Variants in GDAP1L1 observed in about 807,000 individuals in gnomAD.
The protein encoded by GDAP1L1 is ganglioside induced differentiation associated protein 1 like 1, also known as ganglioside-induced differentiation-associated protein 1-like 1.
A neutral mutation model predicts 37.1 loss-of-function variants in GDAP1L1; 21 were observed. The observed-to-expected ratio is 0.57, with a 90% CI of 0.40 to 0.81. GDAP1L1 has a LOEUF of 0.81. Ranked by LOEUF, GDAP1L1 falls within the 40% of genes least tolerant of loss-of-function variation. The probability of loss-of-function intolerance (pLI) is 0.00; values close to 1 mark genes in which losing one functional copy is unlikely to be tolerated. For missense variants in GDAP1L1, 362 were observed against 491.6 expected, an observed-to-expected ratio of 0.74 and a Z score of 2.49; for synonymous variants, 193 against 209.1, an observed-to-expected ratio of 0.92 and a Z score of 0.67.
intron 5 of GDAP1L1, among the ~76,000 whole-genome samples, chr20:44,270,920 C>T (rs1030093404): frequency 3.3e-5 from 5 of 152,150 alleles, no homozygotes; most frequent in Admixed American, 6.6e-5. Context: ...GAATTGGGCT[C>T]CGCTGAAGGG....
intron 2 of GDAP1L1, 22 bp downstream of exon 2, chr20:44,257,367 G>A (rs2146002889): frequency 6.2e-7 from 1 of 1,604,340 alleles, no homozygotes; most frequent in Non-Finnish European, 8.5e-7. Flanking sequence ...TCCCCACCCA[G>A]GGGCCCACTC....
intron 5 of GDAP1L1, among the ~76,000 whole-genome samples, chr20:44,272,017 A>G (rs899325124): frequency 3.9e-5 from 6 of 152,092 alleles, no homozygotes; most frequent in Non-Finnish European, 7.4e-5. Flanking sequence ...CGCAGAGAGG[A>G]GCTGAGGGAA....
At chr20:44,265,708 A>G (rs984449970) in intron 5 of GDAP1L1, among the ~76,000 whole-genome samples, 4 of 152,320 alleles carry the variant, frequency 2.6e-5, no homozygotes, top group Admixed American at 2.0e-4. Context: ...TGCCTGTCCC[A>G]TTACTAGTTT....
At chr20:44,263,139 T>G (rs1238462743) in intron 3 of GDAP1L1, 91 bp from the exon 4 acceptor site, 1 of 936,732 alleles carries the variant, frequency 1.1e-6, no homozygotes, top group Non-Finnish European at 1.8e-6. Flanking sequence ...GACCAGTGTT[T>G]GGATGGGGCC....
In GDAP1L1 at chr20:44,279,535, G is replaced by A. The variant is rs749844166; in HGVS notation, c.*235G>A. Reference sequence around the variant, plus strand: ...AGAGAGAGGAAGCGAGAGAGAGAGAGAAAAAACAAAAAACAGAAAACACGA... The same window carrying A: ...AGAGAGAGGAAGCGAGAGAGAGAGAAAAAAAACAAAAAACAGAAAACACGA... On this transcript the variant is annotated 3_prime_UTR_variant, in exon 6 of 6. Transcript: ENST00000342560. 189 of 676,244 alleles carry A rather than the reference G, an allele frequency of 2.8e-4. No individual in the cohort carries two copies. Among genetic ancestry groups the A allele is most frequent in the Non-Finnish European group, 2.3e-4 (81 of 359,566 alleles). 41.9% of individuals were successfully genotyped at this position (676,244 alleles called of 1,614,324 possible).
chr20:44,278,788 A>G lies in GDAP1L1; in HGVS notation c.761-169A>G, dbSNP rs182784176. On this transcript the variant is annotated intron_variant, in intron 5 of 5. Coordinates refer to ENST00000342560, the MANE Select transcript of GDAP1L1 (RefSeq NM_024034.6). Reference sequence around the variant, plus strand: ...CAGTCGATTTAAACAAAAAAATAATAATAGAAGTAGCATGAGGATATGGCA... The same window carrying G: ...CAGTCGATTTAAACAAAAAAATAATGATAGAAGTAGCATGAGGATATGGCA... Among the ~76,000 whole-genome samples the G allele has an allele frequency of 2.9e-3, 438 of 152,344 alleles. 1 individual carries two copies. The highest frequency in any genetic ancestry group is 0.01 in the African/African-American group (426 of 41,574).
At chr20:44,277,954 G>A (rs1424003767) in intron 5 of GDAP1L1, among the ~76,000 whole-genome samples, 1 of 152,092 alleles carries the variant, frequency 6.6e-6, no homozygotes, top group African/African-American at 2.4e-5. Context: ...AGGAGTTCAA[G>A]ACCAGCCTGG....
At chr20:44,265,142 A>C in intron 5 of GDAP1L1, 1 of 985,358 alleles carries the variant, frequency 1.0e-6, no homozygotes, top group Non-Finnish European at 1.2e-6. Flanking sequence ...CCAAGAATGC[A>C]TTATAGCTCC....
intron 5 of GDAP1L1, among the ~76,000 whole-genome samples, chr20:44,273,152 CAT>C (rs1278794068): frequency 6.6e-6 from 1 of 152,214 alleles, no homozygotes; most frequent in East Asian, 1.9e-4. Context: ...TGCTCTGACA[CAT>C]ATTAGCTGAG....
intron 1 of GDAP1L1, among the ~76,000 whole-genome samples, chr20:44,252,104 T>C (rs2073456316): frequency 6.6e-6 from 1 of 152,260 alleles, no homozygotes; most frequent in South Asian, 2.1e-4. Flanking sequence ...AAGAAAATGC[T>C]AACTGTCAGT....
intron 5 of GDAP1L1, among the ~76,000 whole-genome samples, chr20:44,272,907 T>C (rs2062535112): frequency 6.6e-6 from 1 of 152,214 alleles, no homozygotes; most frequent in South Asian, 2.1e-4. Flanking sequence ...AACAATCGGC[T>C]GCATGGATTT....
In GDAP1L1 at chr20:44,258,201, C is replaced by G. The variant is rs927733131; in HGVS notation, c.374-233C>G. On this transcript the variant is annotated intron_variant, in intron 2 of 5. Transcript: ENST00000342560. The stretch of plus-strand genomic sequence containing the variant: ...ACACTGGGTCTAGGACCCCGCCTGG[C>G]AGCAAGTCTGGAGCTGAGAGGAGCT... The G allele has an allele frequency of 2.1e-5, 15 of 718,144 alleles. No homozygotes were observed. In the African/African-American group the frequency reaches 2.6e-4, roughly 13 times the overall value. The allele number at this position is 718,144 out of a possible 1,614,324, so 44.5% of individuals were successfully genotyped here.
chr20:44,258,669 C>A, intron 3 of GDAP1L1, 62 bp downstream of exon 3: 2 of 1,216,560 alleles, frequency 1.6e-6, no homozygotes, highest in Non-Finnish European at 2.3e-6. Context: ...TCCTTTCTTC[C>A]AAAGGATGTC....
intron 1 of GDAP1L1, among the ~76,000 whole-genome samples, chr20:44,252,365 C>T (rs189278578): frequency 1.3e-5 from 2 of 152,306 alleles, no homozygotes; most frequent in South Asian, 2.1e-4. Context: ...ACAGGCTGGG[C>T]GTGGTGGCTC....
chr20:44,257,396 G>T, intron 2 of GDAP1L1, 51 bp downstream of exon 2: 1 of 1,543,348 alleles, frequency 6.5e-7, no homozygotes, highest in South Asian at 1.2e-5. Context: ...AGATCCTCAG[G>T]GGTCCCCACA....
chr20:44,262,172 C>T (rs1473112628), intron 3 of GDAP1L1, among the ~76,000 whole-genome samples: 1 of 151,810 alleles, frequency 6.6e-6, no homozygotes, highest in African/African-American at 2.4e-5. Context: ...AAGAAGATAT[C>T]TCTGGTAGGG....
chr20:44,257,982 C>T (rs1264073296), intron 2 of GDAP1L1, among the ~76,000 whole-genome samples: 2 of 152,176 alleles, frequency 1.3e-5, no homozygotes, highest in Non-Finnish European at 2.9e-5. Flanking sequence ...GCAGAGACCC[C>T]GTCCTCTCCC....
intron 5 of GDAP1L1, among the ~76,000 whole-genome samples, chr20:44,275,478 G>A (rs1471880844): frequency 6.6e-6 from 1 of 152,164 alleles, no homozygotes; most frequent in Admixed American, 6.5e-5. Context: ...AGGTGCGGGG[G>A]CAAGCCTCCC....
In GDAP1L1 at chr20:44,257,258, G is replaced by A. The variant is rs777303313; in HGVS notation, c.286G>A (p.Glu96Lys). The A allele has an allele frequency of 8.7e-6, 14 of 1,613,718 alleles. No homozygotes were observed. The highest frequency in any genetic ancestry group is 4.5e-5 in the East Asian group (2 of 44,884). Residue 96 changes from glutamate to lysine, a missense_variant, in exon 2 of 6, where the codon GAG becomes AAG. Physicochemically the swap from Glu to Lys is moderately conservative, Grantham distance 56 (BLOSUM62 1). This residue lies in a region of GDAP1L1 where 277 missense variants were observed against 337.1 expected (regional missense o/e 0.82). Coordinates refer to ENST00000342560, the MANE Select transcript of GDAP1L1 (RefSeq NM_024034.6). ...EPWFMRLNLG[E>K]EVPVIIHRDN... is the part of the protein sequence containing the mutation. ...CTGGTTCATGCGGCTCAACCTGGGC[G>A]AGGAGGTGCCCGTCATCATCCACCG... is the stretch of plus-strand genomic sequence containing the variant.
Sources: allele counts gnomAD v4.1 joint callset (sites outside exome capture counted in the v4.1 genomes callset), GRCh38; gene constraint gnomAD v4.1.1; regional missense constraint gnomAD v4.1.1; transcripts MANE v1.5; gene names NCBI Gene and HGNC (gene_info 2026-07-23, HGNC 2026-07-21).